Variants in SHROOM2 observed in about 807,000 individuals in gnomAD.
SHROOM2 encodes the protein shroom family member 2, also known as protein Shroom2.
SHROOM2 carries 33 observed loss-of-function variants against 75.9 expected under a neutral mutation model. The ratio of observed to expected loss-of-function variants is 0.43; its 90% CI spans 0.33 to 0.58. The LOEUF (loss-of-function observed/expected upper bound fraction) is 0.58. SHROOM2 is among the 20% of genes least tolerant of loss of function. The probability of loss-of-function intolerance (pLI) is 0.04; values close to 1 mark genes in which losing one functional copy is unlikely to be tolerated. For missense variants in SHROOM2, 1,434 were observed against 1,461.2 expected (o/e 0.98, Z 0.30); for synonymous variants, 655 against 663.6 (o/e 0.99, Z 0.20).
intron 1 of SHROOM2, among the ~76,000 whole-genome samples, chrX:9,815,445 T>C (rs1413282615): frequency 8.7e-5 from 2 of 22,937 alleles, no homozygotes; most frequent in Non-Finnish European, 2.4e-4. Context: ...TGTGTGTGTG[T>C]GTGTGTGTGT....
At chrX:9,936,169 G>C (rs1269060338) in intron 6 of SHROOM2, among the ~76,000 whole-genome samples, 2 of 110,072 alleles carry the variant, frequency 1.8e-5, no homozygotes, top group African/African-American at 6.7e-5. Context: ...GTGATCTCAG[G>C]TCACTGATCT....
Position 9,926,634 on chromosome X carries a change from C to T in SHROOM2, c.2892-5541C>T, listed in dbSNP as rs764783364. ...GTTGGCAGCATATAAATTCAGAGTC[C>T]GGAATGACGGAGATGCCAGACAACT... On this transcript the variant is annotated intron_variant, in intron 5 of 9. Coordinates refer to ENST00000380913, the MANE Select transcript of SHROOM2 (RefSeq NM_001649.4). Among the ~76,000 whole-genome samples the T allele has an allele frequency of 1.1e-4, 12 of 111,436 alleles. No individual in the cohort carries two copies. The South Asian group carries it at 1.9e-3, about 18-fold the overall frequency.
At chrX:9,935,540 A>G (rs769441519) in intron 6 of SHROOM2, among the ~76,000 whole-genome samples, 1 of 110,457 alleles carries the variant, frequency 9.1e-6, no homozygotes, top group Non-Finnish European at 1.9e-5. Context: ...AGACTTTGTA[A>G]ATTGTCTTCA....
intron 1 of SHROOM2, among the ~76,000 whole-genome samples, chrX:9,851,397 A>C (rs557595608): frequency 5.6e-5 from 6 of 108,034 alleles, no homozygotes; most frequent in Middle Eastern, 4.9e-3. Context: ...ACGTGGCAAC[A>C]GTACCTTTTT....
rs777358629 is a variant in SHROOM2, at chrX:9,916,005, G to A, written c.2892-16170G>A. On this transcript the variant is annotated intron_variant, in intron 5 of 9. Transcript: ENST00000380913. ...TTCAAAATTACTCCTGATTTTGTAA[G>A]CTTCACATATGTTTTTGAGAATGAG... Among the ~76,000 whole-genome samples the A allele has an allele frequency of 4.4e-5, 5 of 112,416 alleles. No individual in the cohort carries two copies. In the South Asian group the frequency reaches 1.8e-3, roughly 42 times the overall value.
intron 1 of SHROOM2, among the ~76,000 whole-genome samples, chrX:9,854,494 TC>T (rs1191893713): frequency 1.8e-5 from 2 of 111,956 alleles, no homozygotes; most frequent in Non-Finnish European, 3.8e-5. Context: ...ATAGTTGCCA[TC>T]CCTTTATTTT....
At chrX:9,880,409 G>A (rs2084225333) in intron 2 of SHROOM2, among the ~76,000 whole-genome samples, 1 of 113,460 alleles carries the variant, frequency 8.8e-6, no homozygotes, top group African/African-American at 3.2e-5. Context: ...TGGCTGTGGT[G>A]GCACTGGCAC....
rs760153426 is a variant in SHROOM2, at chrX:9,944,718, G to C, written c.4389G>C (p.Gln1463His). The C allele has an allele frequency of 1.1e-5, 13 of 1,210,603 alleles. No individual in the cohort carries two copies. Among genetic ancestry groups the C allele is most frequent in the Non-Finnish European group, 1.5e-5 (13 of 895,330 alleles). Reference protein sequence around the residue: ...EARESLLEDVQANTVLGAEVE... With the variant: ...EARESLLEDVHANTVLGAEVE... ...GCGAGAGCCTGCTGGAGGACGTGCA[G>C]GCCAACACCGTGCTGGGGGCCGAGG... The change falls in exon 9 of 10, where the codon CAG (glutamine) becomes CAC (histidine). Residue 1463 changes from glutamine (Q) to histidine (H), a missense_variant. Coordinates refer to ENST00000380913, the MANE Select transcript of SHROOM2 (RefSeq NM_001649.4).
At chrX:9,802,655 G>A (rs1489298774) in intron 1 of SHROOM2, among the ~76,000 whole-genome samples, 2 of 111,647 alleles carry the variant, frequency 1.8e-5, no homozygotes, top group Non-Finnish European at 3.8e-5. Context: ...TTCATTGCTG[G>A]TATCGCGGGC....
At chrX:9,824,535 A>G (rs2083878365) in intron 1 of SHROOM2, among the ~76,000 whole-genome samples, 1 of 112,161 alleles carries the variant, frequency 8.9e-6, no homozygotes, top group Non-Finnish European at 1.9e-5. Flanking sequence ...AAACCTAGAA[A>G]TCTTCCATTC....
chrX:9,939,663 C>T (rs1255618955), intron 8 of SHROOM2, among the ~76,000 whole-genome samples: 1 of 112,516 alleles, frequency 8.9e-6, no homozygotes, highest in Non-Finnish European at 1.9e-5. Flanking sequence ...ATTTTTGAGA[C>T]AGGGTCTTGC....
At chrX:9,820,173 AT>A (rs55695074) in intron 1 of SHROOM2, among the ~76,000 whole-genome samples, 82 of 88,525 alleles carry the variant, frequency 9.3e-4, no homozygotes, top group South Asian at 1.7e-3. Flanking sequence ...TTATTGCAGT[AT>A]TTTTTTTTTT....
chrX:9,787,659 C>A (rs2083622611), intron 1 of SHROOM2, among the ~76,000 whole-genome samples: 1 of 112,452 alleles, frequency 8.9e-6, no homozygotes, highest in Non-Finnish European at 1.9e-5. Context: ...TCCTAACCCG[C>A]CGCACTGGTA....
chrX:9,796,237 A>G (rs2083694462), intron 1 of SHROOM2, among the ~76,000 whole-genome samples: 1 of 109,805 alleles, frequency 9.1e-6, no homozygotes, highest in Admixed American at 9.8e-5. Context: ...AGCATGGGCA[A>G]CAAAATGAGA....
chrX:9,884,359 TTTTC>T (rs1270404511), intron 2 of SHROOM2, among the ~76,000 whole-genome samples: 1 of 96,752 alleles, frequency 1.0e-5, no homozygotes, highest in Non-Finnish European at 2.0e-5. Context: ...GTGATTTTTT[TTTTC>T]TTTTCTTTTT....
intron 2 of SHROOM2, among the ~76,000 whole-genome samples, chrX:9,887,649 A>T (rs1055576046): frequency 3.6e-5 from 4 of 112,543 alleles, no homozygotes; most frequent in African/African-American, 1.3e-4. Flanking sequence ...ATACGGAGGT[A>T]CTCAGAAGCA....
At chrX:9,902,119 A>G (rs1422732029) in intron 5 of SHROOM2, among the ~76,000 whole-genome samples, 1 of 110,276 alleles carries the variant, frequency 9.1e-6, no homozygotes, top group Non-Finnish European at 1.9e-5. Context: ...GGATGAATGG[A>G]AGAGTAAGTG....
At chrX:9,875,660 C>T (rs1319028842) in intron 2 of SHROOM2, among the ~76,000 whole-genome samples, 2 of 112,282 alleles carry the variant, frequency 1.8e-5, no homozygotes, top group African/African-American at 6.5e-5. Context: ...GTTCCTGAGT[C>T]GGAAGGTGTG....
chrX:9,803,151 G>A (rs1263988674), intron 1 of SHROOM2, among the ~76,000 whole-genome samples: 62 of 103,606 alleles, frequency 6.0e-4, no homozygotes, highest in Non-Finnish European at 8.7e-4. Context: ...TGTTGCCCAG[G>A]TTGGTCTTGA....
Sources: allele counts gnomAD v4.1 joint callset (sites outside exome capture counted in the v4.1 genomes callset), GRCh38; gene constraint gnomAD v4.1.1; transcripts MANE v1.5; gene names NCBI Gene and HGNC (gene_info 2026-07-23, HGNC 2026-07-21).